The following CDC123 variants were observed in gnomAD, a reference collection of about 807,000 sequenced individuals.
The protein encoded by CDC123 is cell division cycle 123.
CDC123 carries 37 observed loss-of-function variants against 54.4 expected under a neutral mutation model. That is an observed-to-expected ratio of 0.68 (90% CI 0.52 to 0.89). CDC123 has a LOEUF of 0.89. CDC123 is among the 40% of genes least tolerant of loss of function. The pLI, the probability that CDC123 is intolerant of heterozygous loss-of-function variation, is 0.00. For synonymous variants in CDC123, 144 were observed against 136.8 expected (o/e 1.05, Z -0.37); for missense variants, 361 against 412.1 (o/e 0.88, Z 1.07).
chr10:12,198,807 C>G, intron 2 of CDC123, 31 bp downstream of exon 2: 1 of 1,208,634 alleles, frequency 8.3e-7, no homozygotes, highest in Non-Finnish European at 1.2e-6. Flanking sequence ...ATTTCTTAAA[C>G]TTTATCATAA....
chr10:12,236,816 G>A (rs1000673741), intron 8 of CDC123, among the ~76,000 whole-genome samples: 6 of 151,430 alleles, frequency 4.0e-5, no homozygotes, highest in South Asian at 2.1e-4. Flanking sequence ...ATCGCTTCTC[G>A]GGCAGCAGAG....
chr10:12,217,678 C>T (rs561858834), intron 6 of CDC123, among the ~76,000 whole-genome samples: 2 of 152,302 alleles, frequency 1.3e-5, no homozygotes, highest in Admixed American at 6.5e-5. Context: ...TTAAGGACTT[C>T]CTGCGTCTCT....
At chr10:12,212,959 T>C (rs922181997) in intron 4 of CDC123, among the ~76,000 whole-genome samples, 9 of 152,114 alleles carry the variant, frequency 5.9e-5, no homozygotes, top group East Asian at 1.9e-4. Context: ...AAAATAAGAA[T>C]TGCTGATCCC....
intron 3 of CDC123, 125 bp from the exon 4 acceptor site, chr10:12,210,165 C>A: frequency 7.0e-7 from 1 of 1,431,016 alleles, no homozygotes; most frequent in Non-Finnish European, 9.6e-7. Context: ...TATATTTTCA[C>A]ATATGCTGTA....
chr10:12,236,288 T>C (rs1835975591), intron 8 of CDC123, among the ~76,000 whole-genome samples: 1 of 152,164 alleles, frequency 6.6e-6, no homozygotes, highest in Non-Finnish European at 1.5e-5. Flanking sequence ...TTCCTTCCAT[T>C]TTACTAAATG....
chr10:12,233,338 T>C (rs1433174203), intron 7 of CDC123, among the ~76,000 whole-genome samples: 1 of 148,914 alleles, frequency 6.7e-6, no homozygotes, highest in Non-Finnish European at 1.5e-5. Flanking sequence ...TTATAGATAC[T>C]TACATATTCA....
chr10:12,234,846 C>T (rs1054365538), intron 7 of CDC123, among the ~76,000 whole-genome samples: 1 of 151,204 alleles, frequency 6.6e-6, no homozygotes, highest in African/African-American at 2.4e-5. Context: ...CTCCACCTCC[C>T]GGGTTCAAGT....
intron 4 of CDC123, among the ~76,000 whole-genome samples, chr10:12,213,905 C>T (rs953463428): frequency 6.6e-6 from 1 of 152,122 alleles, no homozygotes; most frequent in Non-Finnish European, 1.5e-5. Flanking sequence ...ATAGAAATTG[C>T]CTGTCCGTAA....
At chr10:12,203,567 G>A (rs1019722463) in intron 2 of CDC123, among the ~76,000 whole-genome samples, 1 of 152,066 alleles carries the variant, frequency 6.6e-6, no homozygotes, top group Non-Finnish European at 1.5e-5. Flanking sequence ...GCCTGCTGTG[G>A]GTGTAGGAAA....
At position 12,249,622 on chromosome 10, in the gene CDC123, C is replaced by T. The variant is rs199670292; in HGVS notation, c.888C>T (p.Val296=). 13 of 1,614,120 alleles carry T rather than the reference C, an allele frequency of 8.1e-6. No individual in the cohort carries two copies. In the South Asian group the frequency reaches 1.3e-4, roughly 16 times the overall value. Reference sequence around the variant, plus strand: ...GTTGCACAAACAGTGAAGTGACAGTCCAGCCCAGCCCCTATTTGAGTTACC... The same window carrying T: ...GTTGCACAAACAGTGAAGTGACAGTTCAGCCCAGCCCCTATTTGAGTTACC... The part of the protein sequence containing the change: ...AFRCTNSEVT[V]QPSPYLSYRL... Residue 296 remains valine (V), a synonymous_variant, in exon 12 of 13, where the codon GTC becomes GTT. Transcript: ENST00000281141.
intron 2 of CDC123, among the ~76,000 whole-genome samples, chr10:12,200,120 A>ATTTTTTTTTTGGTTTTT (rs1835421076): frequency 1.7e-5 from 1 of 59,356 alleles, no homozygotes; most frequent in African/African-American, 6.0e-5. Flanking sequence ...CGCACTCGGC[A>ATTTTTTTTTTGGTTTTT]TTTTTTTTTT....
intron 6 of CDC123, among the ~76,000 whole-genome samples, chr10:12,220,413 T>G (rs1835720366): frequency 6.6e-6 from 1 of 152,250 alleles, no homozygotes; most frequent in Admixed American, 6.5e-5. Context: ...GCAAGTGAGT[T>G]TGAGGTCTTG....
chr10:12,227,138 C>A (rs564855840), intron 6 of CDC123, among the ~76,000 whole-genome samples: 1 of 152,240 alleles, frequency 6.6e-6, no homozygotes, highest in East Asian at 1.9e-4. Context: ...CGCCTGCAAT[C>A]CCAGGCACTC....
intron 2 of CDC123, among the ~76,000 whole-genome samples, chr10:12,206,954 A>G (rs912123368): frequency 6.5e-5 from 7 of 108,518 alleles, no homozygotes; most frequent in East Asian, 2.8e-4. Flanking sequence ...GCGAGACTCC[A>G]TCTCAAAAAA....
chr10:12,244,533 C>T (rs1190757855), intron 10 of CDC123, among the ~76,000 whole-genome samples: 1 of 152,200 alleles, frequency 6.6e-6, no homozygotes, highest in Non-Finnish European at 1.5e-5. Flanking sequence ...GTGCCCCCAG[C>T]TCAAAGGTGA....
intron 5 of CDC123, 35 bp from the exon 6 acceptor site, chr10:12,217,326 A>C (rs984357845): frequency 3.1e-6 from 5 of 1,590,656 alleles, no homozygotes; most frequent in Non-Finnish European, 4.3e-6. Context: ...GCCAACATGG[A>C]ATATGGACTA....
At chr10:12,233,002 G>A (rs931899507) in intron 7 of CDC123, among the ~76,000 whole-genome samples, 7 of 151,626 alleles carry the variant, frequency 4.6e-5, no homozygotes, top group Non-Finnish European at 1.0e-4. Flanking sequence ...CTCGTGATCC[G>A]TCCGCCTCAG....
chr10:12,216,881 A>G (rs1022794492), intron 5 of CDC123, among the ~76,000 whole-genome samples: 1 of 152,056 alleles, frequency 6.6e-6, no homozygotes, highest in Non-Finnish European at 1.5e-5. Context: ...AGAATAGCTC[A>G]CCTCCTTCTC....
intron 10 of CDC123, among the ~76,000 whole-genome samples, chr10:12,244,020 CTGGGGCTTGTA>C (rs1836095086): frequency 1.3e-5 from 2 of 152,106 alleles, no homozygotes; most frequent in African/African-American, 4.8e-5. Context: ...AGGGCCTCTC[CTGGGGCTTGTA>C]TAAAATGAGG....
Sources: gnomAD v4.1 joint callset for allele counts (sites outside exome capture counted in the v4.1 genomes callset) on GRCh38, gnomAD v4.1.1 for gene constraint, MANE v1.5 for transcripts, NCBI Gene and HGNC (gene_info 2026-07-23, HGNC 2026-07-21) for gene names.